The following ABCA13 variants were observed in gnomAD, a reference collection of about 807,000 sequenced individuals.
ABCA13 encodes the protein ATP binding cassette subfamily A member 13.
A neutral mutation model predicts 478.7 loss-of-function variants in ABCA13; 476 were observed. The ratio of observed to expected loss-of-function variants is 0.99; its 90% CI spans 0.92 to 1.07. The LOEUF (loss-of-function observed/expected upper bound fraction) is 1.07. Ranked by LOEUF, ABCA13 falls within the 50% of genes least tolerant of loss-of-function variation. The pLI is 0.00. For synonymous variants in ABCA13, 2,252 were observed against 2,158.9 expected (o/e 1.04, Z -1.20); for missense variants, 6,060 against 5,910.6 (o/e 1.03, Z -0.83).
intron 59 of ABCA13, among the ~76,000 whole-genome samples, chr7:48,622,751 G>A (rs1382341357): frequency 1.3e-5 from 2 of 152,112 alleles, no homozygotes; most frequent in Non-Finnish European, 2.9e-5. Flanking sequence ...CTTACTGTAT[G>A]CCAGCTGTAA....
chr7:48,514,405 A>G (rs1222767563), intron 51 of ABCA13, among the ~76,000 whole-genome samples: 1 of 152,198 alleles, frequency 6.6e-6, no homozygotes, highest in Non-Finnish European at 1.5e-5. Flanking sequence ...ATCCTCAGCT[A>G]TTTAAAGGAC....
intron 1 of ABCA13, among the ~76,000 whole-genome samples, chr7:48,172,205 A>T (rs963624783): frequency 1.3e-5 from 2 of 152,212 alleles, no homozygotes; most frequent in Non-Finnish European, 2.9e-5. Context: ...TTTATTCCTG[A>T]TGCCACTATA....
intron 43 of ABCA13, among the ~76,000 whole-genome samples, chr7:48,465,129 C>T (rs1246783410): frequency 6.6e-6 from 1 of 152,030 alleles, no homozygotes; most frequent in East Asian, 1.9e-4. Flanking sequence ...AGCAACAGGC[C>T]CTAGGATTGT....
chr7:48,539,759 A>C (rs1833837250), intron 55 of ABCA13, among the ~76,000 whole-genome samples: 1 of 152,196 alleles, frequency 6.6e-6, no homozygotes, highest in African/African-American at 2.4e-5. Context: ...TGTTTAAATG[A>C]AGGTTCAATG....
At chr7:48,347,899 C>A (rs1012616322) in intron 29 of ABCA13, among the ~76,000 whole-genome samples, 2 of 152,222 alleles carry the variant, frequency 1.3e-5, no homozygotes, top group Admixed American at 6.5e-5. Flanking sequence ...CATTATTCTA[C>A]TTCATCTTTG....
intron 59 of ABCA13, among the ~76,000 whole-genome samples, chr7:48,621,880 G>A (rs533921879): frequency 6.6e-6 from 1 of 152,224 alleles, no homozygotes; most frequent in Admixed American, 6.5e-5. Context: ...GCTTTTCCTG[G>A]CTTCAGCCAA....
intron 3 of ABCA13, among the ~76,000 whole-genome samples, chr7:48,209,818 G>A (rs1028893131): frequency 1.3e-5 from 2 of 151,962 alleles, no homozygotes; most frequent in Non-Finnish European, 2.9e-5. Flanking sequence ...AATCTTTGTG[G>A]CATCAGTTGT....
rs77317226 is a variant in ABCA13, at chr7:48,472,647, G to T, written c.12975+1048G>T. On this transcript the variant is annotated intron_variant, in intron 45 of 61. Transcript: ENST00000435803. ...CTGCAGAGAGGGATCTCAAAAAAGC[G>T]TTGTCATTTTGCAGTGAAGTGCAAT... is the stretch of plus-strand genomic sequence containing the variant. Among the ~76,000 whole-genome samples the T allele has an allele frequency of 3.3e-5, 5 of 152,150 alleles. No homozygotes were observed. The East Asian group carries it at 9.7e-4, about 29-fold the overall frequency.
intron 5 of ABCA13, among the ~76,000 whole-genome samples, chr7:48,222,095 T>G (rs1787448949): frequency 6.6e-6 from 1 of 152,108 alleles, no homozygotes; most frequent in Admixed American, 6.6e-5. Context: ...AGTAAAAGAA[T>G]AGGGGCCAGC....
intron 28 of ABCA13, among the ~76,000 whole-genome samples, chr7:48,337,777 A>G (rs1806497142): frequency 6.6e-6 from 1 of 152,248 alleles, no homozygotes; most frequent in Non-Finnish European, 1.5e-5. Flanking sequence ...AAGGGGCAAG[A>G]TGTCATGAAG....
chr7:48,644,737 C>T lies in ABCA13; in HGVS notation c.15064C>T (p.Gln5022Ter). ...GAATATTAAGCATTATTCCATTAACCAAACCACTTTGGAGCAGGTATAGTA... is the reference window on the plus strand; with the variant it reads ...GAATATTAAGCATTATTCCATTAACTAAACCACTTTGGAGCAGGTATAGTA... Reference protein sequence around the residue: ...FLNIKHYSINQTTLEQVFINF... With the variant: ...FLNIKHYSIN Residue 5022 changes from glutamine (Q) to a stop codon, truncating the protein, a stop_gained, in exon 61 of 62, where the codon CAA becomes TAA. Coordinates refer to ENST00000435803, the MANE Select transcript of ABCA13 (RefSeq NM_152701.5). LOFTEE classifies it low-confidence loss of function (END_TRUNC). The T allele has an allele frequency of 6.2e-7, 1 of 1,602,208 alleles. No individual in the cohort carries two copies. Among genetic ancestry groups the T allele is most frequent in the Non-Finnish European group, 8.5e-7 (1 of 1,176,588 alleles).
At chr7:48,582,850 C>T (rs1788831658) in intron 56 of ABCA13, among the ~76,000 whole-genome samples, 1 of 152,180 alleles carries the variant, frequency 6.6e-6, no homozygotes, top group Non-Finnish European at 1.5e-5. Context: ...CCATGATTTA[C>T]ACTGCACAAA....
chr7:48,369,816 C>T (rs761680910), intron 32 of ABCA13, among the ~76,000 whole-genome samples: 8 of 152,028 alleles, frequency 5.3e-5, no homozygotes, highest in African/African-American at 9.7e-5. Context: ...AGTTTGAAGT[C>T]GGATAATGTG....
chr7:48,606,393 G>C (rs1441329652), intron 58 of ABCA13, among the ~76,000 whole-genome samples: 1 of 152,224 alleles, frequency 6.6e-6, no homozygotes, highest in South Asian at 2.1e-4. Context: ...CTTCAGATGT[G>C]GTCTCTGAGT....
intron 15 of ABCA13, among the ~76,000 whole-genome samples, chr7:48,251,899 A>G (rs1004192053): frequency 7.9e-5 from 12 of 152,118 alleles, no homozygotes; most frequent in Admixed American, 1.3e-4. Flanking sequence ...TGGTAATCTT[A>G]TAAAAGCTCC....
At chr7:48,591,564 G>T (rs902855852) in intron 57 of ABCA13, among the ~76,000 whole-genome samples, 2 of 152,004 alleles carry the variant, frequency 1.3e-5, no homozygotes, top group South Asian at 4.1e-4. Context: ...ATCGCTTTGG[G>T]TAATATGGAC....
At chr7:48,633,943 G>C (rs1609215) in intron 59 of ABCA13, among the ~76,000 whole-genome samples, 3,247 of 22,492 alleles carry the variant, frequency 0.14, 55 homozygotes, top group East Asian at 0.26. Flanking sequence ...TAGATAGATA[G>C]ATAGATAGAT....
chr7:48,188,856 T>A (rs1376051427), intron 1 of ABCA13, among the ~76,000 whole-genome samples: 1 of 152,126 alleles, frequency 6.6e-6, no homozygotes, highest in Non-Finnish European at 1.5e-5. Flanking sequence ...GGAATGGTAG[T>A]GGAACAGGGA....
At chr7:48,381,068 C>T (rs1199753771) in intron 35 of ABCA13, among the ~76,000 whole-genome samples, 1 of 152,136 alleles carries the variant, frequency 6.6e-6, no homozygotes, top group Non-Finnish European at 1.5e-5. Context: ...CTCTTGTTCA[C>T]ATTCCCACAG....
Sources: gnomAD v4.1 joint callset for allele counts (sites outside exome capture counted in the v4.1 genomes callset) on GRCh38, gnomAD v4.1.1 for gene constraint, MANE v1.5 for transcripts, NCBI Gene and HGNC (gene_info 2026-07-23, HGNC 2026-07-21) for gene names.